Variants in CAPN14 observed in about 807,000 individuals in gnomAD.
CAPN14 encodes the protein calpain 14.
CAPN14 carries 94 observed loss-of-function variants against 101.3 expected under a neutral mutation model. The observed-to-expected ratio is 0.93, with a 90% confidence interval of 0.79 to 1.10. CAPN14 has a LOEUF of 1.10. CAPN14 is among the 50% of genes least tolerant of loss of function. The pLI, the probability that CAPN14 is intolerant of heterozygous loss-of-function variation, is 0.00. For synonymous variants in CAPN14, 338 were observed against 317.9 expected (o/e 1.06, Z -0.67); for missense variants, 837 against 828.4 (o/e 1.01, Z -0.13).
Position 31,230,859 on chromosome 2 carries a change from T to C in CAPN14, c.-177+2932A>G, listed in dbSNP as rs1157221471. On this transcript the variant is annotated intron_variant and NMD_transcript_variant, in intron 1 of 21. Coordinates refer to the CAPN14 transcript ENST00000398824. This position sits in a 1 kb window ranked among gnomAD's most constrained non-coding sequence, Gnocchi z 4.3. Reference sequence around the variant, plus strand: ...ACTTAGTTTTTTTCATTTTTCAGTTTGTGCTTCTGACGTCTTGTTTAAAGA... The same window carrying C: ...ACTTAGTTTTTTTCATTTTTCAGTTCGTGCTTCTGACGTCTTGTTTAAAGA... 2.0e-5 allele frequency among the ~76,000 whole-genome samples: 3 copies of C among 152,252 alleles called. No individual in the cohort carries two copies. The highest frequency in any genetic ancestry group is 4.4e-5 in the Non-Finnish European group (3 of 68,046).
Position 31,180,945 on chromosome 2 carries a change from G to C in CAPN14, c.1701C>G (p.Ala567=). Residue 567 remains alanine (A), a synonymous_variant, in exon 17 of 22, where the codon GCC becomes GCG. Coordinates refer to ENST00000403897, the MANE Select transcript of CAPN14 (RefSeq NM_001145122.2). ...FSLEACQGIL[A]LLDLNASGTM... Reference sequence around the variant, plus strand: ...AAACCTGAAAGGATACGTCCAGTAAGGCCAGGATCCCCTGGCAGGCTTCCA... The same window carrying C: ...AAACCTGAAAGGATACGTCCAGTAACGCCAGGATCCCCTGGCAGGCTTCCA... 6.4e-7 allele frequency: 1 copy of C among 1,551,734 alleles called. No individual in the cohort carries two copies. Among genetic ancestry groups the C allele is most frequent in the Middle Eastern group, 1.7e-4 (1 of 5,992 alleles).
At chr2:31,221,061 TC>T (rs1220977959), upstream of CAPN14, among the ~76,000 whole-genome samples, 5 of 152,184 alleles carry the variant, frequency 3.3e-5, no homozygotes, top group Non-Finnish European at 7.4e-5. Context: ...CGCCAAGGTT[TC>T]AAAGTAAATT....
At chr2:31,194,821 C>T (rs1681384368) in intron 8 of CAPN14, among the ~76,000 whole-genome samples, 1 of 152,170 alleles carries the variant, frequency 6.6e-6, no homozygotes, top group African/African-American at 2.4e-5. Flanking sequence ...TTGCATTTTT[C>T]AAAGCTCATC....
In CAPN14 at chr2:31,230,416, A is replaced by G. The variant is rs1572454633; in HGVS notation, c.-177+3375T>C. Among the ~76,000 whole-genome samples the G allele has an allele frequency of 1.3e-5, 2 of 152,240 alleles. No homozygotes were observed. The highest frequency in any genetic ancestry group is 2.9e-5 in the Non-Finnish European group (2 of 68,048). On this transcript the variant is annotated intron_variant and NMD_transcript_variant, in intron 1 of 21. Transcript: ENST00000398824. The surrounding 1 kb of genome is among the most constrained non-coding windows in gnomAD (Gnocchi z 4.3). ...TAGGTCATAGGACATGCACATCTTC[A>G]GCTTCACTAAGCAATGCCAAACTGT... is the stretch of plus-strand genomic sequence containing the variant.
At chr2:31,233,262 C>G (rs558703338) in intron 1 of CAPN14, among the ~76,000 whole-genome samples, 2 of 152,310 alleles carry the variant, frequency 1.3e-5, no homozygotes, top group South Asian at 4.2e-4. Flanking sequence ...CTCTCTTTCA[C>G]CTTCCTAAAC....
At position 31,193,293 on chromosome 2, in the gene CAPN14, T is replaced by C. The variant is rs903344008; in HGVS notation, c.952A>G (p.Met318Val). ...TGTGTTTTAAAGTCCTGCAGCGTCA[T>C]CCTGTGGAGAGAAGAAGGAAAAGCA... ...LRKDNDGEFW[M>V]TLQDFKTHFV... The change falls in exon 10 of 22, where the codon ATG (methionine) becomes GTG (valine). Residue 318 changes from methionine (M) to valine (V), a missense_variant and splice_region_variant. Met to Val is a conservative substitution (Grantham distance 21). Coordinates refer to ENST00000403897, the MANE Select transcript of CAPN14 (RefSeq NM_001145122.2). 1.2e-5 allele frequency: 19 copies of C among 1,551,508 alleles called. No individual in the cohort carries two copies. In the East Asian group the frequency reaches 4.4e-4, roughly 36 times the overall value.
intron 18 of CAPN14, 59 bp downstream of exon 18, chr2:31,178,452 T>C: frequency 7.7e-7 from 1 of 1,307,026 alleles, no homozygotes; most frequent in Non-Finnish European, 1.1e-6. Flanking sequence ...TCTACAGCTT[T>C]GCAGAACTGC....
upstream of CAPN14, among the ~76,000 whole-genome samples, chr2:31,222,137 G>A (rs1285523262): frequency 6.6e-6 from 1 of 152,198 alleles, no homozygotes; most frequent in Non-Finnish European, 1.5e-5. Flanking sequence ...GAACATGGAA[G>A]AGACTTATGT....
At position 31,207,635 on chromosome 2, in the gene CAPN14, T is replaced by C. The variant is rs1257978628; in HGVS notation, c.-52-2136A>G. 2.6e-5 allele frequency among the ~76,000 whole-genome samples: 4 copies of C among 151,970 alleles called. No homozygotes were observed. The East Asian group carries it at 7.8e-4, about 29-fold the overall frequency. On this transcript the variant is annotated intron_variant, in intron 1 of 21. Transcript: ENST00000403897. The stretch of plus-strand genomic sequence containing the variant: ...TACAAAAATTAGCTAGGCATGGTGA[T>C]GTATGACTGTAATCTTAGCTACTTG...
At chr2:31,194,271 G>A (rs529399006) in intron 9 of CAPN14, 138 bp downstream of exon 9, 103 of 652,300 alleles carry the variant, frequency 1.6e-4, no homozygotes, top group Non-Finnish European at 2.7e-4. Flanking sequence ...CTGCTAGACC[G>A]TGAGCTCCTA....
At chr2:31,216,049 A>T (rs1682630682) in intron 1 of CAPN14, among the ~76,000 whole-genome samples, 1 of 152,214 alleles carries the variant, frequency 6.6e-6, no homozygotes, top group Admixed American at 6.5e-5. Context: ...ATGAACATGG[A>T]TAAATATTAA....
At chr2:31,224,517 A>G (rs1387023789) in intron 2 of CAPN14, among the ~76,000 whole-genome samples, 1 of 152,198 alleles carries the variant, frequency 6.6e-6, no homozygotes, top group Non-Finnish European at 1.5e-5. Flanking sequence ...GAACAAAACA[A>G]GAATGCTCAC....
chr2:31,194,513 G>T lies in CAPN14; in HGVS notation c.876-30C>A, dbSNP rs1320045384. The stretch of plus-strand genomic sequence containing the variant: ...AAATAGAAAAGGGAATGAAAAGCTT[G>T]TGGGGAGCATGCTAGAAATTCTTTA... On this transcript the variant is annotated intron_variant, in intron 8 of 21. Coordinates refer to ENST00000403897, the MANE Select transcript of CAPN14 (RefSeq NM_001145122.2). 4 of 1,469,828 alleles carry T rather than the reference G, an allele frequency of 2.7e-6. No individual in the cohort carries two copies. In the East Asian group the frequency reaches 9.9e-5, roughly 36 times the overall value. The allele number at this position is 1,469,828 out of a possible 1,614,324, so 91.0% of individuals were successfully genotyped here. A position where few individuals can be genotyped will look rare whatever the true frequency, so the allele number is the denominator to read the frequency against.
intron 21 of CAPN14, 84 bp downstream of exon 21, chr2:31,176,503 C>G: frequency 9.9e-7 from 1 of 1,007,554 alleles, no homozygotes; most frequent in Non-Finnish European, 1.5e-6. Context: ...GTCCCCAGAG[C>G]CCTTCTCCTT....
At chr2:31,218,121 G>A (rs1682734820), upstream of CAPN14, among the ~76,000 whole-genome samples, 1 of 151,944 alleles carries the variant, frequency 6.6e-6, no homozygotes. Context: ...CCTCCCACTG[G>A]TTGTCTCCTC....
rs557692365 is a variant in CAPN14 at position 31,205,072 on chromosome 2, T to C, written c.225+151A>G. On this transcript the variant is annotated intron_variant, in intron 2 of 21. Coordinates refer to ENST00000403897, the MANE Select transcript of CAPN14 (RefSeq NM_001145122.2). The stretch of plus-strand genomic sequence containing the variant: ...TGCTTGGCATGTGGGGAAAACCTCC[T>C]ACACATCTGGTGTTAGAAGAGTGTG... 6.0e-5 allele frequency: 40 copies of C among 662,958 alleles called. No homozygotes were observed. The East Asian group carries it at 1.1e-3, about 18-fold the overall frequency. The allele number at this position is 662,958 out of a possible 1,614,324, so 41.1% of individuals were successfully genotyped here. A position where few individuals can be genotyped will look rare whatever the true frequency, so the allele number is the denominator to read the frequency against.
chr2:31,201,230 C>CGT (rs1198615808), intron 5 of CAPN14, among the ~76,000 whole-genome samples: 1 of 149,998 alleles, frequency 6.7e-6, no homozygotes, highest in Non-Finnish European at 1.5e-5. Flanking sequence ...TCTGTGTTTG[C>CGT]GTGTGTGTGT....
At chr2:31,214,757 A>G (rs1038135602) in intron 1 of CAPN14, among the ~76,000 whole-genome samples, 2 of 152,166 alleles carry the variant, frequency 1.3e-5, no homozygotes, top group African/African-American at 4.8e-5. Context: ...GTACACCTTG[A>G]GTTGCCACGA....
At chr2:31,233,221 T>C (rs1028536993) in intron 1 of CAPN14, among the ~76,000 whole-genome samples, 1 of 152,238 alleles carries the variant, frequency 6.6e-6, no homozygotes, top group African/African-American at 2.4e-5. Flanking sequence ...TCCCCATCTC[T>C]GGCAAAGCCT....
Sources: allele counts gnomAD v4.1 joint callset (sites outside exome capture counted in the v4.1 genomes callset), GRCh38; gene constraint gnomAD v4.1.1; non-coding constraint Gnocchi (gnomAD v3.1); transcripts MANE v1.5; gene names NCBI Gene and HGNC (gene_info 2026-07-23, HGNC 2026-07-21).